Variants in HPSE2 observed in about 807,000 individuals in gnomAD.
The protein encoded by HPSE2 is heparanase 2 (inactive).
HPSE2 carries 38 observed loss-of-function variants against 60.5 expected under a neutral mutation model. That is an observed-to-expected ratio of 0.63 (90% CI 0.48 to 0.82). The LOEUF is 0.82. Among genes scored for constraint, HPSE2 ranks in the 40% least tolerant of loss-of-function variants. The pLI, the probability that HPSE2 is intolerant of heterozygous loss-of-function variation, is 0.00. For synonymous variants in HPSE2, 295 were observed against 293.2 expected, an observed-to-expected ratio of 1.01 and a Z score of -0.06; for missense variants, 713 against 740.4, an observed-to-expected ratio of 0.96 and a Z score of 0.43.
chr10:98,566,725 C>A (rs1944356048), intron 9 of HPSE2, among the ~76,000 whole-genome samples: 1 of 152,114 alleles, frequency 6.6e-6, no homozygotes, highest in African/African-American at 2.4e-5. Context: ...CCCCTGAACA[C>A]AATGTGCTTA....
intron 2 of HPSE2, among the ~76,000 whole-genome samples, chr10:99,147,367 A>G (rs1297916091): frequency 1.3e-5 from 2 of 152,230 alleles, no homozygotes; most frequent in Non-Finnish European, 2.9e-5. Flanking sequence ...CTTTCTCAGA[A>G]AAAATTATAA....
chr10:99,141,172 G>A (rs558701409), intron 3 of HPSE2, among the ~76,000 whole-genome samples: 1 of 152,178 alleles, frequency 6.6e-6, no homozygotes, highest in South Asian at 2.1e-4. Flanking sequence ...TTTTTTTAAA[G>A]TCTCCTACCC....
the HPSE2 span, among the ~76,000 whole-genome samples, chr10:99,272,039 G>A: frequency 7.2e-5 from 11 of 152,284 alleles, no homozygotes; most frequent in East Asian, 3.9e-4. Context: ...TTGAGAGGCC[G>A]AGGTAGGTGG....
intron 2 of HPSE2, among the ~76,000 whole-genome samples, chr10:99,232,044 C>A (rs987398674): frequency 2.6e-5 from 4 of 152,290 alleles, no homozygotes; most frequent in Admixed American, 2.0e-4. Context: ...CCAAGACAGC[C>A]GCCCAGCAAA....
chr10:99,312,853 T>C, the HPSE2 span, among the ~76,000 whole-genome samples: 1 of 152,222 alleles, frequency 6.6e-6, no homozygotes, highest in African/African-American at 2.4e-5. Context: ...TCATGTTGAA[T>C]TGCAATCCCT....
chr10:98,940,094 G>T (rs891403878), intron 3 of HPSE2, among the ~76,000 whole-genome samples: 1 of 142,824 alleles, frequency 7.0e-6, no homozygotes, highest in African/African-American at 2.9e-5. Context: ...TGTAAAGAGG[G>T]AAATTTATAG....
At chr10:98,575,289 G>A (rs550249319) in intron 9 of HPSE2, among the ~76,000 whole-genome samples, 1 of 152,224 alleles carries the variant, frequency 6.6e-6, no homozygotes, top group Non-Finnish European at 1.5e-5. Context: ...TTGGAATACA[G>A]GTACCCATTC....
At chr10:98,535,104 TCTTTGAAACCTG>T (rs575466888) in intron 9 of HPSE2, among the ~76,000 whole-genome samples, 15 of 152,334 alleles carry the variant, frequency 9.8e-5, no homozygotes, top group African/African-American at 3.6e-4. Context: ...TTTACTACTG[TCTTTGAAACCTG>T]CTTTCCTATC....
At chr10:99,163,146 G>C (rs1013126008) in intron 2 of HPSE2, among the ~76,000 whole-genome samples, 22 of 151,470 alleles carry the variant, frequency 1.5e-4, no homozygotes, top group African/African-American at 4.9e-4. Flanking sequence ...AGGAGGCCGA[G>C]CTTGCAGTGA....
At chr10:98,635,538 T>C (rs1458693969) in intron 7 of HPSE2, among the ~76,000 whole-genome samples, 1 of 152,158 alleles carries the variant, frequency 6.6e-6, no homozygotes. Context: ...CCCTGCACTT[T>C]GGGTGGCTGG....
chr10:99,292,478 G>C, the HPSE2 span, among the ~76,000 whole-genome samples: 1 of 152,168 alleles, frequency 6.6e-6, no homozygotes, highest in Admixed American at 6.5e-5. Context: ...GCTCGGCACT[G>C]TGGTAGGTGC....
chr10:99,055,876 A>G (rs1204913057), intron 3 of HPSE2, among the ~76,000 whole-genome samples: 2 of 152,134 alleles, frequency 1.3e-5, no homozygotes, highest in African/African-American at 4.8e-5. Flanking sequence ...AGACAAGAAA[A>G]ATATTTAAAA....
At chr10:99,300,858 C>T in the HPSE2 span, among the ~76,000 whole-genome samples, 1 of 152,284 alleles carries the variant, frequency 6.6e-6, no homozygotes, top group East Asian at 1.9e-4. Context: ...TCCTTTGAGA[C>T]CCGAGGCTCA....
the HPSE2 span, among the ~76,000 whole-genome samples, chr10:99,261,357 G>C: frequency 6.6e-6 from 1 of 152,048 alleles, no homozygotes; most frequent in Admixed American, 6.6e-5. Flanking sequence ...ACCCGGTCCG[G>C]CTTACAGTTT....
intron 3 of HPSE2, among the ~76,000 whole-genome samples, chr10:99,137,132 C>T (rs1845689248): frequency 6.6e-6 from 1 of 152,084 alleles, no homozygotes; most frequent in Admixed American, 6.6e-5. Context: ...GAATGAACTC[C>T]CATTCACAAT....
At chr10:98,643,229 T>G (rs906817833) in intron 6 of HPSE2, among the ~76,000 whole-genome samples, 1 of 152,232 alleles carries the variant, frequency 6.6e-6, no homozygotes, top group Non-Finnish European at 1.5e-5. Context: ...TTACGTAGTC[T>G]CTATGGGCCT....
At chr10:98,666,587 T>C (rs1395052858) in intron 6 of HPSE2, among the ~76,000 whole-genome samples, 1 of 152,180 alleles carries the variant, frequency 6.6e-6, no homozygotes, top group African/African-American at 2.4e-5. Context: ...AGGCATACTC[T>C]TGAACTGCAG....
intron 10 of HPSE2, among the ~76,000 whole-genome samples, chr10:98,484,693 CT>C (rs1941376174): frequency 6.6e-6 from 1 of 152,140 alleles, no homozygotes; most frequent in Non-Finnish European, 1.5e-5. Flanking sequence ...TCAAATTTAT[CT>C]TTTTGATTTC....
chr10:98,796,060 G>A (rs1950772655), intron 3 of HPSE2, among the ~76,000 whole-genome samples: 1 of 152,136 alleles, frequency 6.6e-6, no homozygotes, highest in Admixed American at 6.5e-5. Context: ...GCTCTGAGAT[G>A]TGCTCACTTT....
Sources: gnomAD v4.1 joint callset for allele counts (sites outside exome capture counted in the v4.1 genomes callset) on GRCh38, gnomAD v4.1.1 for gene constraint, MANE v1.5 for transcripts, NCBI Gene and HGNC (gene_info 2026-07-23, HGNC 2026-07-21) for gene names.